NRXN3: variants seen among roughly 807,000 people sequenced by gnomAD.
NRXN3 encodes neurexin 3, also known as neurexin III.
In NRXN3, 32 loss-of-function variants were observed where a neutral mutation model predicts 137.6. The observed-to-expected ratio is 0.23, with a 90% CI of 0.18 to 0.31. The LOEUF (loss-of-function observed/expected upper bound fraction) is 0.31. NRXN3 is among the 10% of genes least tolerant of loss of function. NRXN3 has a pLI of 1.00. For synonymous variants in NRXN3, 798 were observed against 784.5 expected (o/e 1.02, Z -0.29); for missense variants, 1,574 against 2,062.5 (o/e 0.76, Z 4.59).
chr14:78,609,414 T>C (rs1054068234), intron 4 of NRXN3, among the ~76,000 whole-genome samples: 1 of 152,168 alleles, frequency 6.6e-6, no homozygotes, highest in Non-Finnish European at 1.5e-5. Flanking sequence ...ACCCAGGTCC[T>C]GGCAAAAACG....
chr14:78,738,892 C>T (rs920578469), intron 8 of NRXN3, among the ~76,000 whole-genome samples: 2 of 152,156 alleles, frequency 1.3e-5, no homozygotes, highest in African/African-American at 4.8e-5. Context: ...TCTGCCTTGA[C>T]CATGTGGTGC....
At chr14:79,842,308 CG>C (rs2099357605) in intron 20 of NRXN3, among the ~76,000 whole-genome samples, 1 of 152,210 alleles carries the variant, frequency 6.6e-6, no homozygotes, top group South Asian at 2.1e-4. Flanking sequence ...CAGGCTGGTT[CG>C]TTACTAGGGA....
chr14:79,851,304 A>C (rs1287852862), intron 20 of NRXN3, among the ~76,000 whole-genome samples: 1 of 152,158 alleles, frequency 6.6e-6, no homozygotes, highest in Non-Finnish European at 1.5e-5. Context: ...TTAAAAGTAT[A>C]ATTAGTCCAA....
intron 15 of NRXN3, among the ~76,000 whole-genome samples, chr14:79,042,379 A>G (rs961345748): frequency 6.6e-6 from 1 of 152,202 alleles, no homozygotes; most frequent in African/African-American, 2.4e-5. Context: ...TTGGATGAAT[A>G]CTTAATGCAC....
At chr14:79,824,661 C>T (rs781568588) in intron 20 of NRXN3, among the ~76,000 whole-genome samples, 1 of 152,174 alleles carries the variant, frequency 6.6e-6, no homozygotes, top group Non-Finnish European at 1.5e-5. Context: ...AAAGCACCCA[C>T]TTCTAAATAT....
In NRXN3 at chr14:79,853,824, C is replaced by T. The variant is rs73336386; in HGVS notation, c.4094-7518C>T. On this transcript the variant is annotated intron_variant, in intron 20 of 20. Transcript: ENST00000335750. ...TAAATGCAGAAATTCATTCAAAACC[C>T]GTTAGAGTCATAGAATTTTTTGAAA... 600 of 983,970 alleles carry T rather than the reference C, an allele frequency of 6.1e-4. 4 individuals are homozygous for T. In the African/African-American group the frequency reaches 8.8e-3, roughly 14 times the overall value. 61.0% of individuals were successfully genotyped at this position (983,970 alleles called of 1,614,324 possible). A position where few individuals can be genotyped will look rare whatever the true frequency, so the allele number is the denominator to read the frequency against.
chr14:79,202,885 G>A (rs996589323), intron 15 of NRXN3, among the ~76,000 whole-genome samples: 4 of 152,132 alleles, frequency 2.6e-5, no homozygotes, highest in East Asian at 1.9e-4. Context: ...CTTTTGCTCC[G>A]GGTAGATACC....
At chr14:78,672,935 A>G (rs1326048573) in intron 6 of NRXN3, among the ~76,000 whole-genome samples, 1 of 152,194 alleles carries the variant, frequency 6.6e-6, no homozygotes, top group East Asian at 1.9e-4. Flanking sequence ...GCTAGCTTTT[A>G]GTCCCTATAG....
At chr14:78,522,098 T>C (rs2096291899) in intron 4 of NRXN3, among the ~76,000 whole-genome samples, 1 of 152,220 alleles carries the variant, frequency 6.6e-6, no homozygotes, top group South Asian at 2.1e-4. Flanking sequence ...GGCATTATTT[T>C]ATCACTAGAA....
chr14:79,168,972 C>T (rs1206662508), intron 15 of NRXN3, among the ~76,000 whole-genome samples: 2 of 151,994 alleles, frequency 1.3e-5, no homozygotes, highest in Admixed American at 6.6e-5. Flanking sequence ...GATGTTCTCA[C>T]AATATTGAAC....
chr14:79,004,386 C>G (rs1211619925), intron 15 of NRXN3, among the ~76,000 whole-genome samples: 1 of 152,176 alleles, frequency 6.6e-6, no homozygotes, highest in Non-Finnish European at 1.5e-5. Context: ...GCTGGGACTA[C>G]AGGCACATGC....
intron 15 of NRXN3, among the ~76,000 whole-genome samples, chr14:79,373,412 G>C (rs973710084): frequency 6.6e-6 from 1 of 152,192 alleles, no homozygotes; most frequent in Non-Finnish European, 1.5e-5. Flanking sequence ...TGTAAGAAGT[G>C]TGGCAAAATG....
intron 15 of NRXN3, among the ~76,000 whole-genome samples, chr14:79,314,940 G>C (rs1295321982): frequency 2.0e-5 from 3 of 152,146 alleles, no homozygotes; most frequent in Non-Finnish European, 2.9e-5. Context: ...AAGACCAAAA[G>C]TAGCACAGGG....
At chr14:79,610,963 G>A (rs1163109491) in intron 16 of NRXN3, among the ~76,000 whole-genome samples, 2 of 152,188 alleles carry the variant, frequency 1.3e-5, no homozygotes, top group Non-Finnish European at 1.5e-5. Context: ...GGGATGTGAT[G>A]TAGCCCCTTC....
At chr14:79,181,262 C>A (rs2062896914) in intron 15 of NRXN3, among the ~76,000 whole-genome samples, 1 of 151,996 alleles carries the variant, frequency 6.6e-6, no homozygotes, top group African/African-American at 2.4e-5. Flanking sequence ...TGTAAGTTAG[C>A]ACAACATTTT....
intron 14 of NRXN3, among the ~76,000 whole-genome samples, chr14:78,983,336 T>C (rs1477199086): frequency 1.3e-5 from 2 of 152,186 alleles, no homozygotes; most frequent in Non-Finnish European, 2.9e-5. Flanking sequence ...CAAAGAGATA[T>C]CTGCATTCCC....
intron 19 of NRXN3, among the ~76,000 whole-genome samples, chr14:79,733,624 A>G (rs1485526284): frequency 6.6e-6 from 1 of 151,942 alleles, no homozygotes; most frequent in African/African-American, 2.4e-5. Flanking sequence ...ATCTTGACAC[A>G]ATGAAGGGAC....
At chr14:78,593,075 C>T (rs2152410065) in intron 4 of NRXN3, among the ~76,000 whole-genome samples, 1 of 152,312 alleles carries the variant, frequency 6.6e-6, no homozygotes, top group African/African-American at 2.4e-5. Flanking sequence ...CCACTGTGTT[C>T]TCTGACCACA....
At chr14:78,714,732 C>T in intron 7 of NRXN3, 24 bp from the exon 8 acceptor site, 3 of 1,605,372 alleles carry the variant, frequency 1.9e-6, no homozygotes, top group Non-Finnish European at 2.6e-6. Flanking sequence ...GCAGACTCAC[C>T]TGAGATCTGT....
Sources: allele counts gnomAD v4.1 joint callset (sites outside exome capture counted in the v4.1 genomes callset), GRCh38; gene constraint gnomAD v4.1.1; transcripts MANE v1.5; gene names NCBI Gene and HGNC (gene_info 2026-07-23, HGNC 2026-07-21).